HSPB8: variants seen among roughly 807,000 people sequenced by gnomAD.
HSPB8 encodes heat shock protein beta-8.
A neutral mutation model predicts 16.5 loss-of-function variants in HSPB8; 9 were observed. The observed-to-expected ratio is 0.55, with a 90% CI of 0.33 to 0.95. HSPB8 has a LOEUF of 0.95. Ranked by LOEUF, HSPB8 falls within the 40% of genes least tolerant of loss-of-function variation. The pLI, the probability that HSPB8 is intolerant of heterozygous loss-of-function variation, is 0.03. For missense variants in HSPB8, 238 were observed against 251.2 expected, an observed-to-expected ratio of 0.95 and a Z score of 0.35; for synonymous variants, 99 against 94.8, an observed-to-expected ratio of 1.04 and a Z score of -0.26.
chr12:119,178,967 T>TAAA lies in HSPB8; in HGVS notation c.-344_-343insAAA. The stretch of plus-strand genomic sequence containing the variant: ...CTAGGCGCGCGTGCCCTGGGTTTAT[T>TAAA]AAGCTCCTGGCTCCGCTCTAGACCT... On this transcript the variant is annotated 5_prime_UTR_variant, in exon 1 of 3. Transcript: ENST00000281938. The TAAA allele has an allele frequency of 2.6e-6, 1 of 388,824 alleles. No homozygotes were observed. The highest frequency in any genetic ancestry group is 2.6e-5 in the South Asian group (1 of 38,244). 24.1% of individuals were successfully genotyped at this position (388,824 alleles called of 1,614,324 possible).
At chr12:119,189,746 G>T (rs1314630068) in intron 2 of HSPB8, among the ~76,000 whole-genome samples, 1 of 152,150 alleles carries the variant, frequency 6.6e-6, no homozygotes, top group Non-Finnish European at 1.5e-5. Flanking sequence ...GCCACAGATG[G>T]GTGCCGGTCC....
intron 1 of HSPB8, among the ~76,000 whole-genome samples, chr12:119,185,481 G>A (rs1364413635): frequency 1.3e-5 from 2 of 152,038 alleles, no homozygotes; most frequent in South Asian, 2.1e-4. Flanking sequence ...CTATAGGCAC[G>A]TGCCACCATG....
Position 119,179,365 on chromosome 12 carries a change from G to C in HSPB8, c.53G>C (p.Arg18Pro). 1 of 1,614,106 alleles carries C rather than the reference G, an allele frequency of 6.2e-7. No homozygotes were observed. Among genetic ancestry groups the C allele is most frequent in the South Asian group, 1.1e-5 (1 of 91,076 alleles). The change falls in exon 1 of 3, where the codon CGA (arginine) becomes CCA (proline). Residue 18 changes from arginine to proline, a missense_variant. Transcript: ENST00000281938. ...TGCCACTACCCAAGCCGCCTGCGCC[G>C]AGACCCCTTCCGGGACTCTCCCCTC... ...FSCHYPSRLR[R>P]DPFRDSPLSS...
Position 119,179,455 on chromosome 12 carries a change from G to A in HSPB8, c.143G>A (p.Trp48Ter). Residue 48 changes from tryptophan to a stop codon, truncating the protein, a stop_gained, in exon 1 of 3, where the codon TGG becomes TAG. Transcript: ENST00000281938. LOFTEE classifies it high-confidence loss of function. ...DPFPDDLTAS[W>*]PDWALPRLSS... The stretch of plus-strand genomic sequence containing the variant: ...TTCCCAGACGACTTGACAGCCTCTT[G>A]GCCCGACTGGGCTCTGCCTCGTCTC... 2 of 1,614,084 alleles carry A rather than the reference G, an allele frequency of 1.2e-6. No individual in the cohort carries two copies. Among genetic ancestry groups the A allele is most frequent in the Non-Finnish European group, 1.7e-6 (2 of 1,180,034 alleles).
At chr12:119,187,757 C>A (rs1380115357) in intron 2 of HSPB8, among the ~76,000 whole-genome samples, 2 of 152,148 alleles carry the variant, frequency 1.3e-5, no homozygotes, top group African/African-American at 2.4e-5. Flanking sequence ...TGAGGGAGGA[C>A]CCCTGTCACC....
chr12:119,188,351 A>C (rs1166759435), intron 2 of HSPB8, among the ~76,000 whole-genome samples: 1 of 151,318 alleles, frequency 6.6e-6, no homozygotes, highest in Non-Finnish European at 1.5e-5. Flanking sequence ...GGTTCAAGCA[A>C]TTCTCCGGCC....
chr12:119,191,926 C>T (rs1954715026), intron 2 of HSPB8, among the ~76,000 whole-genome samples: 1 of 152,146 alleles, frequency 6.6e-6, no homozygotes, highest in Non-Finnish European at 1.5e-5. Context: ...TCAATTTCCT[C>T]ATCTGTAAGA....
chr12:119,182,032 C>G (rs756649866), intron 1 of HSPB8: 1 of 152,100 alleles, frequency 6.6e-6, no homozygotes, highest in Non-Finnish European at 1.5e-5. Context: ...TCTAGGAGAC[C>G]CTCTGTCCAG....
chr12:119,184,103 C>A (rs886664888), intron 1 of HSPB8, among the ~76,000 whole-genome samples: 25 of 152,312 alleles, frequency 1.6e-4, no homozygotes, highest in African/African-American at 6.0e-4. Context: ...AAGTCCAACA[C>A]CCAATATTCC....
chr12:119,180,518 A>G (rs1954629737), intron 1 of HSPB8, among the ~76,000 whole-genome samples: 1 of 152,170 alleles, frequency 6.6e-6, no homozygotes, highest in South Asian at 2.1e-4. Flanking sequence ...GAGGAGGCTG[A>G]GGCCTAGGTG....
Position 119,179,460 on chromosome 12 carries a change from G to A in HSPB8, c.148G>A (p.Asp50Asn), listed in dbSNP as rs752076364. 5.6e-6 allele frequency: 9 copies of A among 1,613,944 alleles called. No individual in the cohort carries two copies. The highest frequency in any genetic ancestry group is 2.7e-5 in the African/African-American group (2 of 74,914). The change falls in exon 1 of 3, where the codon GAC (aspartate) becomes AAC (asparagine). Residue 50 changes from aspartate (D) to asparagine (N), a missense_variant. By Grantham distance (23) the Asp-to-Asn change is conservative. Transcript: ENST00000281938. ...FPDDLTASWP[D>N]WALPRLSSAW... ...AGACGACTTGACAGCCTCTTGGCCC[G>A]ACTGGGCTCTGCCTCGTCTCTCCTC...
At chr12:119,190,565 A>T (rs887988691) in intron 2 of HSPB8, among the ~76,000 whole-genome samples, 10 of 152,172 alleles carry the variant, frequency 6.6e-5, no homozygotes, top group African/African-American at 2.4e-4. Flanking sequence ...AATTACAGTC[A>T]TTTGCAATAC....
chr12:119,185,163 T>A (rs976531756), intron 1 of HSPB8, among the ~76,000 whole-genome samples: 1 of 151,880 alleles, frequency 6.6e-6, no homozygotes, highest in African/African-American at 2.4e-5. Context: ...TTGTTGTTTT[T>A]TTTAAATTTA....
chr12:119,178,956 CCTGG>C lies in HSPB8; in HGVS notation c.-356_-353del. ...AGAAGAAGTTTCTAGGCGCGCGTGC[CCTGG>C]GTTTATTAAGCTCCTGGCTCCGCTC... On this transcript the variant is annotated 5_prime_UTR_variant, in exon 1 of 3. Coordinates refer to ENST00000281938, the MANE Select transcript of HSPB8 (RefSeq NM_014365.3). The C allele has an allele frequency of 2.7e-6, 1 of 364,472 alleles. No individual in the cohort carries two copies. The highest frequency in any genetic ancestry group is 2.8e-5 in the South Asian group (1 of 35,906). 22.6% of individuals were successfully genotyped at this position (364,472 alleles called of 1,614,324 possible). A position where few individuals can be genotyped will look rare whatever the true frequency, so the allele number is the denominator to read the frequency against.
At chr12:119,186,055 G>C (rs1417201926) in intron 1 of HSPB8, among the ~76,000 whole-genome samples, 1 of 152,110 alleles carries the variant, frequency 6.6e-6, no homozygotes, top group African/African-American at 2.4e-5. Context: ...TGTTTAAAGA[G>C]AAACTACAGA....
chr12:119,187,178 A>C, intron 2 of HSPB8, 90 bp downstream of exon 2: 1 of 1,047,246 alleles, frequency 9.5e-7, no homozygotes, highest in East Asian at 2.4e-5. Flanking sequence ...CCTCTTGGGC[A>C]TCTCTCTTTT....
rs1310806538 is a variant in HSPB8 at position 119,191,835 on chromosome 12, A to G, written c.432-1864A>G. On this transcript the variant is annotated intron_variant, in intron 2 of 2. Transcript: ENST00000281938. ...TCATGGTCAGATACTCTGAGTTTGGAGACCAGGATTCCAATTCCATTTCCT... is the reference window on the plus strand; with the variant it reads ...TCATGGTCAGATACTCTGAGTTTGGGGACCAGGATTCCAATTCCATTTCCT... Among the ~76,000 whole-genome samples the G allele has an allele frequency of 2.6e-5, 4 of 152,296 alleles. No homozygotes were observed. In the East Asian group the frequency reaches 7.7e-4, roughly 29 times the overall value.
rs55826713 is a variant in HSPB8 at position 119,179,545 on chromosome 12, G to T, written c.233G>T (p.Arg78Met). ...MVPRGPTATA[R>M]FGVPAEGRTP... is the part of the protein sequence containing the mutation. The stretch of plus-strand genomic sequence containing the variant: ...CCCCGGGGCCCCACTGCCACCGCCA[G>T]GTTTGGGGTGCCTGCCGAGGGCAGG... Residue 78 changes from arginine (R) to methionine (M), a missense_variant, in exon 1 of 3, where the codon AGG (arginine) becomes ATG (methionine). By Grantham distance (91) the Arg-to-Met change is moderately conservative. Coordinates refer to ENST00000281938, the MANE Select transcript of HSPB8 (RefSeq NM_014365.3). 1,317 of 1,613,678 alleles carry T rather than the reference G, an allele frequency of 8.2e-4. 1 individual carries two copies. The highest frequency in any genetic ancestry group is 1.0e-3 in the Non-Finnish European group (1,196 of 1,179,784).
Position 119,193,725 on chromosome 12 carries a change from C to G in HSPB8, c.458C>G (p.Thr153Arg), listed in dbSNP as rs767709619. The change falls in exon 3 of 3, where the codon ACA becomes AGA. Residue 153 changes from threonine to arginine, a missense_variant. Coordinates refer to ENST00000281938, the MANE Select transcript of HSPB8 (RefSeq NM_014365.3). ...CTTCCTGCAGAGGTGGATCCTGTGA[C>G]AGTATTTGCCTCACTTTCCCCAGAG... ...IQLPAEVDPV[T>R]VFASLSPEGL... The G allele has an allele frequency of 3.1e-6, 5 of 1,614,202 alleles. No homozygotes were observed. The highest frequency in any genetic ancestry group is 3.4e-6 in the Non-Finnish European group (4 of 1,180,012).
Sources: gnomAD v4.1 joint callset for allele counts (sites outside exome capture counted in the v4.1 genomes callset) on GRCh38, gnomAD v4.1.1 for gene constraint, MANE v1.5 for transcripts, NCBI Gene and HGNC (gene_info 2026-07-23, HGNC 2026-07-21) for gene names.